The following NAV2 variants were observed in gnomAD, a reference collection of about 807,000 sequenced individuals.
NAV2 encodes helicase, APC down-regulated 1.
A neutral mutation model predicts 223.2 loss-of-function variants in NAV2; 54 were observed. The ratio of observed to expected loss-of-function variants is 0.24; its 90% CI spans 0.19 to 0.30. NAV2 has a LOEUF of 0.30. Ranked by LOEUF, NAV2 falls within the 10% of genes least tolerant of loss-of-function variation. The pLI, the probability that NAV2 is intolerant of heterozygous loss-of-function variation, is 1.00. For synonymous variants in NAV2, 1,279 were observed against 1,239.3 expected (o/e 1.03, Z -0.67); for missense variants, 2,806 against 3,147.5 (o/e 0.89, Z 2.60).
intron 1 of NAV2, among the ~76,000 whole-genome samples, chr11:19,705,398 T>C (rs1013298828): frequency 1.3e-5 from 2 of 152,318 alleles, no homozygotes; most frequent in Non-Finnish European, 2.9e-5. Context: ...TTTATTTACA[T>C]TTTTCCTGGA....
At chr11:19,518,759 C>A (rs143271076) in intron 1 of NAV2, among the ~76,000 whole-genome samples, 4 of 152,158 alleles carry the variant, frequency 2.6e-5, no homozygotes, top group Non-Finnish European at 4.4e-5. Flanking sequence ...CAGAGTATAA[C>A]GGTAATAATT....
At chr11:19,473,966 G>A (rs774483883) in intron 1 of NAV2, among the ~76,000 whole-genome samples, 5 of 152,178 alleles carry the variant, frequency 3.3e-5, no homozygotes, top group African/African-American at 4.8e-5. Context: ...TCTAGCTCCA[G>A]GGGTCCTCAT....
At chr11:19,452,107 A>AGTGTGTGTGT in intron 1 of NAV2, among the ~76,000 whole-genome samples, 1 of 146,762 alleles carries the variant, frequency 6.8e-6, no homozygotes, top group East Asian at 2.0e-4. Context: ...AGGTTACAAA[A>AGTGTGTGTGT]GTGTGTGTGT....
At chr11:20,063,802 A>G (rs1591934811) in intron 20 of NAV2, among the ~76,000 whole-genome samples, 1 of 152,314 alleles carries the variant, frequency 6.6e-6, no homozygotes, top group South Asian at 2.1e-4. Flanking sequence ...ATGTTTTAAT[A>G]ATTTAGGTTT....
At chr11:19,760,461 A>G (rs1221340885) in intron 1 of NAV2, among the ~76,000 whole-genome samples, 1 of 152,182 alleles carries the variant, frequency 6.6e-6, no homozygotes, top group Non-Finnish European at 1.5e-5. Flanking sequence ...ATGTTGCAGG[A>G]AAACAGAAGA....
At chr11:19,947,513 C>T (rs1365166244) in intron 9 of NAV2, among the ~76,000 whole-genome samples, 1 of 151,274 alleles carries the variant, frequency 6.6e-6, no homozygotes, top group African/African-American at 2.5e-5. Flanking sequence ...GTCACTGACA[C>T]TGACTTAATG....
chr11:19,593,737 T>C (rs1037704598), intron 1 of NAV2, among the ~76,000 whole-genome samples: 5 of 94,834 alleles, frequency 5.3e-5, no homozygotes, highest in African/African-American at 1.9e-4. Flanking sequence ...TTATCTGCTC[T>C]AAAAGGTATG....
chr11:19,469,903 G>T (rs1023822241), intron 1 of NAV2, among the ~76,000 whole-genome samples: 10 of 152,248 alleles, frequency 6.6e-5, no homozygotes, highest in African/African-American at 1.9e-4. Flanking sequence ...AAGGAGGAAA[G>T]AATGCAAAAT....
At chr11:19,398,043 C>T (rs545446581) in intron 1 of NAV2, among the ~76,000 whole-genome samples, 7 of 152,214 alleles carry the variant, frequency 4.6e-5, no homozygotes, top group Non-Finnish European at 8.8e-5. Flanking sequence ...GCTTCCCCCG[C>T]GTATTAGATC....
At chr11:19,451,683 C>T (rs1256309411) in intron 1 of NAV2, among the ~76,000 whole-genome samples, 2 of 152,208 alleles carry the variant, frequency 1.3e-5, no homozygotes, top group Non-Finnish European at 2.9e-5. Context: ...AAAGGCCTGC[C>T]TGTCCTGAGG....
intron 1 of NAV2, among the ~76,000 whole-genome samples, chr11:19,730,686 G>A (rs1020463962): frequency 3.3e-5 from 5 of 152,188 alleles, no homozygotes; most frequent in East Asian, 3.9e-4. Flanking sequence ...GGCTACAGCC[G>A]CTCTTTTCCT....
intron 1 of NAV2, among the ~76,000 whole-genome samples, chr11:19,408,289 C>T (rs1849989266): frequency 6.6e-6 from 1 of 152,062 alleles, no homozygotes; most frequent in African/African-American, 2.4e-5. Context: ...ATGTTGCAAG[C>T]AGGCAGGGAA....
chr11:20,095,867 C>T, intron 30 of NAV2, 100 bp downstream of exon 30: 1 of 819,928 alleles, frequency 1.2e-6, no homozygotes, highest in Non-Finnish European at 2.1e-6. Flanking sequence ...GGCCATTTCT[C>T]AGACCTGTCC....
Position 19,361,723 on chromosome 11 carries a change from C to G in NAV2, c.75+10696C>G, listed in dbSNP as rs533943534. Among the ~76,000 whole-genome samples the G allele has an allele frequency of 3.3e-5, 5 of 152,208 alleles. No homozygotes were observed. The East Asian group carries it at 9.7e-4, about 29-fold the overall frequency. On this transcript the variant is annotated intron_variant, in intron 1 of 37. Transcript: ENST00000360655. ...ACTGGCAGGGCCTGCCATAGGACAGCAAAGAGAGAAACGGCAAATAAGCAT... is the reference window on the plus strand; with the variant it reads ...ACTGGCAGGGCCTGCCATAGGACAGGAAAGAGAGAAACGGCAAATAAGCAT...
At chr11:20,067,505 G>T (rs990103639) in intron 20 of NAV2, among the ~76,000 whole-genome samples, 1 of 151,958 alleles carries the variant, frequency 6.6e-6, no homozygotes, top group African/African-American at 2.4e-5. Context: ...TTTGAGACGG[G>T]TAGCCTCTGT....
chr11:19,379,654 C>A (rs113117355), intron 1 of NAV2, among the ~76,000 whole-genome samples: 27 of 152,180 alleles, frequency 1.8e-4, no homozygotes, highest in African/African-American at 6.5e-4. Context: ...GGCATCTTCC[C>A]GGTCCTGTTG....
chr11:20,023,544 T>C (rs767921292), intron 11 of NAV2, among the ~76,000 whole-genome samples: 1 of 152,210 alleles, frequency 6.6e-6, no homozygotes, highest in Non-Finnish European at 1.5e-5. Context: ...GTGGGGGCAG[T>C]ACAGAGGGGT....
intron 1 of NAV2, among the ~76,000 whole-genome samples, chr11:19,564,221 G>A (rs1481210006): frequency 1.3e-5 from 2 of 152,200 alleles, no homozygotes; most frequent in Non-Finnish European, 2.9e-5. Context: ...ACACATTTCA[G>A]GGCATAGCGC....
chr11:20,085,557 G>T (rs529566894), intron 26 of NAV2, among the ~76,000 whole-genome samples: 1 of 152,318 alleles, frequency 6.6e-6, no homozygotes, highest in Non-Finnish European at 1.5e-5. Context: ...CATGCCAGGG[G>T]GAGCCACTGG....
Sources: gnomAD v4.1 joint callset for allele counts (sites outside exome capture counted in the v4.1 genomes callset) on GRCh38, gnomAD v4.1.1 for gene constraint, MANE v1.5 for transcripts, NCBI Gene and HGNC (gene_info 2026-07-23, HGNC 2026-07-21) for gene names.